Variants in PRKG1 observed in about 807,000 individuals in gnomAD.
The protein encoded by PRKG1 is cGMP-dependent protein kinase 1.
A neutral mutation model predicts 88.1 loss-of-function variants in PRKG1; 35 were observed. The ratio of observed to expected loss-of-function variants is 0.40; its 90% CI spans 0.30 to 0.53. The LOEUF is 0.53. Ranked by LOEUF, PRKG1 falls within the 20% of genes least tolerant of loss-of-function variation. The pLI is 0.59. For missense variants in PRKG1, 540 were observed against 839.8 expected, an observed-to-expected ratio of 0.64 and a Z score of 4.41; for synonymous variants, 303 against 292.5, an observed-to-expected ratio of 1.04 and a Z score of -0.37.
chr10:51,977,475 G>A (rs990574297), intron 5 of PRKG1, among the ~76,000 whole-genome samples: 1 of 152,002 alleles, frequency 6.6e-6, no homozygotes, highest in Admixed American at 6.6e-5. Context: ...TATTCTTTGG[G>A]TATCTACCCA....
At chr10:52,167,945 G>A (rs928291036) in intron 9 of PRKG1, among the ~76,000 whole-genome samples, 20 of 152,224 alleles carry the variant, frequency 1.3e-4, no homozygotes, top group African/African-American at 3.4e-4. Flanking sequence ...GCCTCCAAAT[G>A]AGCATGGACA....
At chr10:51,665,767 G>T (rs1840407638) in intron 3 of PRKG1, among the ~76,000 whole-genome samples, 1 of 151,676 alleles carries the variant, frequency 6.6e-6, no homozygotes, top group South Asian at 2.1e-4. Flanking sequence ...CTCTGTAAAA[G>T]AAATTATACT....
chr10:51,138,333 G>A (rs1170445026), intron 1 of PRKG1, among the ~76,000 whole-genome samples: 1 of 152,102 alleles, frequency 6.6e-6, no homozygotes, highest in Non-Finnish European at 1.5e-5. Context: ...CATTTATAAT[G>A]CAATTCTAAA....
chr10:52,034,354 C>T (rs1330814559), intron 5 of PRKG1, among the ~76,000 whole-genome samples: 3 of 118,982 alleles, frequency 2.5e-5, no homozygotes, highest in Non-Finnish European at 5.4e-5. Context: ...GACGTGGGAA[C>T]CTAGAGTGGG....
chr10:51,037,505 C>T (rs1413795041), intron 1 of PRKG1, among the ~76,000 whole-genome samples: 1 of 151,790 alleles, frequency 6.6e-6, no homozygotes, highest in East Asian at 1.9e-4. Flanking sequence ...AAAAACTGGC[C>T]AGGTGCAGTG....
At chr10:51,714,703 T>C (rs548403741) in intron 3 of PRKG1, among the ~76,000 whole-genome samples, 23 of 152,322 alleles carry the variant, frequency 1.5e-4, no homozygotes, top group African/African-American at 5.5e-4. Context: ...GAAAGACTGA[T>C]TTATCCTTCT....
chr10:52,165,071 T>C (rs1338862018), intron 9 of PRKG1, among the ~76,000 whole-genome samples: 1 of 152,186 alleles, frequency 6.6e-6, no homozygotes, highest in African/African-American at 2.4e-5. Context: ...CTAAAACCTT[T>C]GATCCAAATT....
chr10:52,197,409 G>A (rs574845191), intron 9 of PRKG1, among the ~76,000 whole-genome samples: 3 of 152,058 alleles, frequency 2.0e-5, no homozygotes, highest in Non-Finnish European at 4.4e-5. Flanking sequence ...TAATCGGAAT[G>A]ATATCAAGAG....
At chr10:51,924,778 A>G (rs1302367711) in intron 5 of PRKG1, among the ~76,000 whole-genome samples, 4 of 144,952 alleles carry the variant, frequency 2.8e-5, no homozygotes, top group African/African-American at 1.0e-4. Context: ...TTTTATTTAT[A>G]TACTTTCAAG....
Position 51,095,970 on chromosome 10 carries a change from T to G in PRKG1, c.311+21069T>G, listed in dbSNP as rs145513793. 1.8e-3 allele frequency among the ~76,000 whole-genome samples: 278 copies of G among 152,288 alleles called. 4 individuals carry two copies. The East Asian group carries it at 0.037, about 20-fold the overall frequency. On this transcript the variant is annotated intron_variant, in intron 1 of 17. Transcript: ENST00000373980. ...ACCTCTTGTTTCAGAGATAGAAATG[T>G]AACATTTTTAATTATGAGCTTTTGT...
chr10:51,627,982 TTCTTTCTTTCTCTC>T (rs1564579745), intron 3 of PRKG1, among the ~76,000 whole-genome samples: 7 of 34,072 alleles, frequency 2.1e-4, no homozygotes, highest in Admixed American at 3.3e-4. Context: ...CTTTCTTTCT[TTCTTTCTTTCTCTC>T]TCTCTCTCTC....
intron 7 of PRKG1, among the ~76,000 whole-genome samples, chr10:52,068,864 A>T (rs1846424827): frequency 6.6e-6 from 1 of 152,234 alleles, no homozygotes; most frequent in Non-Finnish European, 1.5e-5. Context: ...AAGTTTCGTT[A>T]GGTCATAGCT....
intron 5 of PRKG1, among the ~76,000 whole-genome samples, chr10:52,025,318 C>T (rs1292055942): frequency 3.9e-5 from 6 of 152,100 alleles, no homozygotes. Context: ...TGTGCAGAAG[C>T]TCTTTAGTTT....
chr10:51,463,665 A>T (rs952204856), intron 2 of PRKG1, among the ~76,000 whole-genome samples: 1 of 152,228 alleles, frequency 6.6e-6, no homozygotes, highest in African/African-American at 2.4e-5. Flanking sequence ...ACACATTTAT[A>T]CTTGGAAATC....
intron 9 of PRKG1, among the ~76,000 whole-genome samples, chr10:52,247,615 C>T (rs1841059083): frequency 6.6e-6 from 1 of 152,128 alleles, no homozygotes; most frequent in Admixed American, 6.5e-5. Context: ...AAATGTCCCT[C>T]CCAGTTATGG....
intron 5 of PRKG1, among the ~76,000 whole-genome samples, chr10:51,923,106 T>C (rs1394843402): frequency 6.6e-6 from 1 of 152,080 alleles, no homozygotes; most frequent in African/African-American, 2.4e-5. Flanking sequence ...AAAGGATTGT[T>C]ATGTCTTCTT....
At chr10:51,531,785 C>T (rs1366829067) in intron 3 of PRKG1, among the ~76,000 whole-genome samples, 1 of 151,338 alleles carries the variant, frequency 6.6e-6, no homozygotes, top group Non-Finnish European at 1.5e-5. Context: ...GCTGGGATTA[C>T]AGGCTCCCGA....
intron 5 of PRKG1, chr10:51,908,733 A>ATTTTTTT (rs60587885): frequency 9.9e-5 from 13 of 131,666 alleles, no homozygotes; most frequent in African/African-American, 3.8e-4. Flanking sequence ...ATCTATATGT[A>ATTTTTTT]ATTTTTTTTT....
At chr10:51,887,992 T>C (rs1170471088) in intron 4 of PRKG1, among the ~76,000 whole-genome samples, 1 of 152,228 alleles carries the variant, frequency 6.6e-6, no homozygotes, top group Admixed American at 6.5e-5. Flanking sequence ...TACAGTATTG[T>C]GTTTATTAAA....
Sources: allele counts gnomAD v4.1 joint callset (sites outside exome capture counted in the v4.1 genomes callset), GRCh38; gene constraint gnomAD v4.1.1; transcripts MANE v1.5; gene names NCBI Gene and HGNC (gene_info 2026-07-23, HGNC 2026-07-21).